Variants in SORBS2 observed in about 807,000 individuals in gnomAD.
SORBS2 encodes the protein sorbin and SH3 domain containing 2.
SORBS2 carries 46 observed loss-of-function variants against 97.7 expected under a neutral mutation model. The observed-to-expected ratio is 0.47, with a 90% CI of 0.37 to 0.60. The LOEUF is 0.60. Ranked by LOEUF, SORBS2 falls within the 20% of genes least tolerant of loss-of-function variation. SORBS2 has a pLI of 0.00. For missense variants in SORBS2, 1,316 were observed against 1,282.3 expected (o/e 1.03, Z -0.40); for synonymous variants, 476 against 473.4 (o/e 1.01, Z -0.07).
At chr4:185,847,252 T>C (rs768930862) in intron 1 of SORBS2, among the ~76,000 whole-genome samples, 1 of 152,206 alleles carries the variant, frequency 6.6e-6, no homozygotes, top group East Asian at 1.9e-4. Flanking sequence ...TGTTCTAAGA[T>C]AAGAAATCAA....
At chr4:185,764,875 C>A (rs1166069257) in intron 2 of SORBS2, among the ~76,000 whole-genome samples, 1 of 152,140 alleles carries the variant, frequency 6.6e-6, no homozygotes, top group Non-Finnish European at 1.5e-5. Flanking sequence ...TGCCTTCCTA[C>A]CTCCAGAGGT....
At chr4:185,859,096 C>G (rs1046624684) in intron 1 of SORBS2, among the ~76,000 whole-genome samples, 10 of 150,744 alleles carry the variant, frequency 6.6e-5, no homozygotes, top group African/African-American at 2.2e-4. Context: ...GCCAAGAAAA[C>G]AACAACATAC....
chr4:185,884,450 G>A (rs946257073), intron 1 of SORBS2, among the ~76,000 whole-genome samples: 1 of 152,126 alleles, frequency 6.6e-6, no homozygotes, highest in Non-Finnish European at 1.5e-5. Flanking sequence ...AGCATGTGCT[G>A]TTTTTTAAAA....
At chr4:185,819,435 A>G (rs7657614) in intron 1 of SORBS2, among the ~76,000 whole-genome samples, 1,889 of 152,272 alleles carry the variant, frequency 0.012, 36 homozygotes, top group African/African-American at 0.043. Context: ...CCTCCCACCC[A>G]GCACTTCTGC....
At chr4:185,690,687 T>C in intron 2 of SORBS2, 76 bp from the exon 4 acceptor site, 1 of 588,570 alleles carries the variant, frequency 1.7e-6, no homozygotes, top group Non-Finnish European at 3.0e-6. Flanking sequence ...CGCATTTTTG[T>C]TTTTGATGTA....
At chr4:185,835,652 ATT>A (rs5864964) in intron 1 of SORBS2, among the ~76,000 whole-genome samples, 38,839 of 122,406 alleles carry the variant, frequency 0.32, 4,843 homozygotes, top group African/African-American at 0.35. Context: ...TTTTGAAAGG[ATT>A]TTTTTTTTTT....
intron 1 of SORBS2, among the ~76,000 whole-genome samples, chr4:185,877,704 T>A (rs111666733): frequency 6.6e-6 from 1 of 150,846 alleles, no homozygotes; most frequent in Non-Finnish European, 1.5e-5. Context: ...CCGTCTGTAC[T>A]AAAAAAAATA....
intron 12 of SORBS2, among the ~76,000 whole-genome samples, chr4:185,595,855 T>C (rs560374153): frequency 7.9e-5 from 12 of 152,240 alleles, no homozygotes; most frequent in Non-Finnish European, 1.5e-4. Context: ...CTTTAGAATA[T>C]ATTCCCAGGA....
intron 2 of SORBS2, among the ~76,000 whole-genome samples, chr4:185,743,344 G>C (rs1316649354): frequency 6.6e-6 from 1 of 152,094 alleles, no homozygotes; most frequent in Non-Finnish European, 1.5e-5. Flanking sequence ...CTTGATTCCT[G>C]ATAGGGCTAT....
intron 2 of SORBS2, among the ~76,000 whole-genome samples, chr4:185,692,822 G>A (rs377094290): frequency 2.1e-5 from 3 of 143,686 alleles, no homozygotes; most frequent in South Asian, 4.5e-4. Context: ...ACACACACAC[G>A]TATATTTGCC....
chr4:185,780,321 A>G (rs2099022158), intron 1 of SORBS2, among the ~76,000 whole-genome samples: 1 of 152,112 alleles, frequency 6.6e-6, no homozygotes, highest in African/African-American at 2.4e-5. Flanking sequence ...GGCCTGGAGT[A>G]ACACCTTTTA....
chr4:185,827,762 T>TCATCAC (rs2153672708), intron 1 of SORBS2, among the ~76,000 whole-genome samples: 2 of 119,634 alleles, frequency 1.7e-5, no homozygotes, highest in East Asian at 3.0e-4. Flanking sequence ...ATCATCACCA[T>TCATCAC]CATCATCACC....
chr4:185,685,684 G>A (rs898940778), intron 2 of SORBS2, among the ~76,000 whole-genome samples: 3 of 151,962 alleles, frequency 2.0e-5, no homozygotes, highest in Admixed American at 6.6e-5. Flanking sequence ...GGCACACACC[G>A]GCTAACGTTT....
intron 1 of SORBS2, among the ~76,000 whole-genome samples, chr4:185,827,086 A>C (rs1585257084): frequency 6.7e-6 from 1 of 149,072 alleles, no homozygotes; most frequent in Non-Finnish European, 1.5e-5. Flanking sequence ...CATCACCATC[A>C]TCACCATCAT....
chr4:185,942,221 T>G (rs1459352930), intron 1 of SORBS2, among the ~76,000 whole-genome samples: 2 of 152,220 alleles, frequency 1.3e-5, no homozygotes, highest in Non-Finnish European at 2.9e-5. Context: ...TCTGAAATGC[T>G]TCTGGGAAGA....
Position 185,701,775 on chromosome 4 carries a change from C to CTT in SORBS2, c.-197-22955_-197-22954dup, listed in dbSNP as rs34491237. 5.4e-3 allele frequency among the ~76,000 whole-genome samples: 774 copies of CTT among 144,358 alleles called. 10 individuals carry two copies. Among genetic ancestry groups the CTT allele is most frequent in the African/African-American group, 0.017 (664 of 39,370 alleles). 94.7% of individuals were successfully genotyped at this position (144,358 alleles called of 152,430 possible). A position where few individuals can be genotyped will look rare whatever the true frequency, so the allele number is the denominator to read the frequency against. ...GGCCAAAAAGTTAGCAAATTTCTTTCTTTTTTTTTTTTTTAGACGGAGTCT... is the reference window on the plus strand; with the variant it reads ...GGCCAAAAAGTTAGCAAATTTCTTTCTTTTTTTTTTTTTTTTAGACGGAGTCT... On this transcript the variant is annotated intron_variant, in intron 2 of 20. Transcript: ENST00000284776.
intron 1 of SORBS2, among the ~76,000 whole-genome samples, chr4:185,779,487 G>A (rs1189191007): frequency 3.3e-5 from 5 of 152,196 alleles, no homozygotes; most frequent in African/African-American, 1.2e-4. Flanking sequence ...ATACTGTGGT[G>A]ATTTCCAAGG....
intron 2 of SORBS2, among the ~76,000 whole-genome samples, chr4:185,679,944 A>G (rs2097847103): frequency 6.6e-6 from 1 of 152,226 alleles, no homozygotes; most frequent in South Asian, 2.1e-4. Flanking sequence ...AAAGGAAGGA[A>G]CACAAATGTG....
intron 1 of SORBS2, among the ~76,000 whole-genome samples, chr4:185,788,626 G>T (rs1252192339): frequency 6.6e-6 from 1 of 152,130 alleles, no homozygotes; most frequent in Non-Finnish European, 1.5e-5. Flanking sequence ...TTATATTAGG[G>T]TATACTTATT....
Sources: allele counts gnomAD v4.1 joint callset (sites outside exome capture counted in the v4.1 genomes callset), GRCh38; gene constraint gnomAD v4.1.1; transcripts MANE v1.5; gene names NCBI Gene and HGNC (gene_info 2026-07-23, HGNC 2026-07-21).